RALGAPA1: variants seen among roughly 807,000 people sequenced by gnomAD.
The protein encoded by RALGAPA1 is Ral GTPase activating protein catalytic subunit alpha 1.
In RALGAPA1, 52 loss-of-function variants were observed where a neutral mutation model predicts 269.6. That is an observed-to-expected ratio of 0.19 (90% CI 0.15 to 0.24). The LOEUF (loss-of-function observed/expected upper bound fraction) is 0.24, where lower values mean the gene tolerates loss of function less well. Among genes scored for constraint, RALGAPA1 ranks in the 10% least tolerant of loss-of-function variants. The probability of loss-of-function intolerance (pLI) is 1.00; values close to 1 mark genes in which losing one functional copy is unlikely to be tolerated. For synonymous variants in RALGAPA1, 817 were observed against 1,008.3 expected, an observed-to-expected ratio of 0.81 and a Z score of 3.60; for missense variants, 1,917 against 3,013.9, an observed-to-expected ratio of 0.64 and a Z score of 8.52.
rs151259133 is a variant in RALGAPA1 at position 35,801,764 on chromosome 14, C to A, written c.106+6966G>T. Among the ~76,000 whole-genome samples the A allele has an allele frequency of 7.6e-4, 116 of 152,172 alleles. 1 individual carries two copies. The East Asian group carries it at 0.018, about 23-fold the overall frequency. On this transcript the variant is annotated intron_variant, in intron 1 of 41. Coordinates refer to ENST00000680220, the MANE Select transcript of RALGAPA1 (RefSeq NM_001346249.2). Reference sequence around the variant, plus strand: ...GAAACTCTCTAAATCTGATAAAGGGCATCTACAAAAAACCTACAGTTAGGA... The same window carrying A: ...GAAACTCTCTAAATCTGATAAAGGGAATCTACAAAAAACCTACAGTTAGGA...
chr14:35,712,818 C>T (rs139065455), intron 16 of RALGAPA1, among the ~76,000 whole-genome samples: 136 of 152,232 alleles, frequency 8.9e-4, no homozygotes, highest in Non-Finnish European at 1.5e-3. Flanking sequence ...AGATTACAGG[C>T]GTGAGTTAAT....
At chr14:35,676,686 A>G (rs2064982142) in intron 22 of RALGAPA1, 1 of 152,248 alleles carries the variant, frequency 6.6e-6, no homozygotes, top group South Asian at 2.1e-4. Context: ...ATTAGGACAT[A>G]TCCACTGACA....
chr14:35,672,817 G>A, intron 25 of RALGAPA1, 50 bp downstream of exon 25: 1 of 1,407,336 alleles, frequency 7.1e-7, no homozygotes, highest in Non-Finnish European at 9.4e-7. Flanking sequence ...AAGAATCAAA[G>A]ATAATATGAT....
intron 31 of RALGAPA1, among the ~76,000 whole-genome samples, chr14:35,638,606 G>A (rs1188411488): frequency 1.3e-5 from 2 of 152,096 alleles, no homozygotes; most frequent in African/African-American, 4.8e-5. Context: ...TAATAAAGTG[G>A]AAGGAGTAAG....
chr14:35,755,075 T>C (rs1171192639), intron 7 of RALGAPA1, among the ~76,000 whole-genome samples: 1 of 152,090 alleles, frequency 6.6e-6, no homozygotes, highest in Non-Finnish European at 1.5e-5. Flanking sequence ...CCAAGGGGCA[T>C]GGTGGCTCAC....
chr14:35,621,143 G>A (rs1490336813), intron 35 of RALGAPA1, among the ~76,000 whole-genome samples: 2 of 152,142 alleles, frequency 1.3e-5, no homozygotes, highest in Non-Finnish European at 2.9e-5. Flanking sequence ...AAAACAGCAT[G>A]GTACTGGTAC....
At chr14:35,725,200 C>T (rs1222394672) in intron 13 of RALGAPA1, 47 bp from the exon 14 acceptor site, 4 of 1,432,888 alleles carry the variant, frequency 2.8e-6, no homozygotes, top group South Asian at 1.6e-5. Context: ...CATATGTTTG[C>T]ATTTGGTTAA....
chr14:35,610,851 A>C (rs948707462), intron 35 of RALGAPA1, among the ~76,000 whole-genome samples: 2 of 152,190 alleles, frequency 1.3e-5, no homozygotes, highest in Non-Finnish European at 2.9e-5. Flanking sequence ...ACAAGCCAAA[A>C]ACAAAAAACA....
At chr14:35,555,052 CTT>C (rs1310680300) in intron 39 of RALGAPA1, among the ~76,000 whole-genome samples, 1 of 152,094 alleles carries the variant, frequency 6.6e-6, no homozygotes, top group Non-Finnish European at 1.5e-5. Context: ...TGGATTTAGA[CTT>C]TGAATCTTTC....
chr14:35,805,683 C>CT (rs760045509), intron 1 of RALGAPA1, among the ~76,000 whole-genome samples: 428 of 135,442 alleles, frequency 3.2e-3, no homozygotes, highest in Non-Finnish European at 4.2e-3. Context: ...TTTTCTTTTT[C>CT]TTTTTTTTTT....
At chr14:35,625,829 C>G (rs1163709661) in intron 34 of RALGAPA1, among the ~76,000 whole-genome samples, 1 of 152,180 alleles carries the variant, frequency 6.6e-6, no homozygotes, top group Non-Finnish European at 1.5e-5. Flanking sequence ...CAAGTGTAAT[C>G]CAGATGGAAT....
chr14:35,758,903 TAGG>T (rs1320476640), intron 6 of RALGAPA1, among the ~76,000 whole-genome samples: 1 of 152,124 alleles, frequency 6.6e-6, no homozygotes, highest in Non-Finnish European at 1.5e-5. Context: ...TGCTTGACTT[TAGG>T]AGTTTAAGAC....
At position 35,760,874 on chromosome 14, in the gene RALGAPA1, G is replaced by T. The variant is rs1341592545; in HGVS notation, c.502C>A (p.Arg168=). ...FSAPQSEHGP[R]TLDNLINPPL... is the part of the protein sequence containing the mutation. ...GGATTAATGAGATTATCTAAAGTTC[G>T]AGGTCCATGTTCAGACTGTGGTGCT... Residue 168 remains arginine (R), a synonymous_variant, in exon 6 of 42, where the codon CGA becomes AGA. Coordinates refer to ENST00000680220, the MANE Select transcript of RALGAPA1 (RefSeq NM_001346249.2). The T allele has an allele frequency of 6.2e-7, 1 of 1,612,020 alleles. No homozygotes were observed. The highest frequency in any genetic ancestry group is 8.5e-7 in the Non-Finnish European group (1 of 1,179,090).
chr14:35,794,901 A>G (rs1271660419), intron 1 of RALGAPA1, among the ~76,000 whole-genome samples: 2 of 152,256 alleles, frequency 1.3e-5, no homozygotes, highest in Non-Finnish European at 2.9e-5. Context: ...CATTCAGATT[A>G]CAGAAAGACA....
intron 39 of RALGAPA1, 106 bp downstream of exon 39, chr14:35,570,511 T>TA (rs1049151940): frequency 1.5e-5 from 14 of 937,798 alleles, no homozygotes; most frequent in Admixed American, 1.0e-4. Context: ...AAATAATAAT[T>TA]AAAAAAACCC....
intron 16 of RALGAPA1, among the ~76,000 whole-genome samples, chr14:35,710,012 T>C (rs1322438953): frequency 6.6e-6 from 1 of 152,236 alleles, no homozygotes; most frequent in African/African-American, 2.4e-5. Context: ...CTCTGCTGGA[T>C]TAAGCAATTT....
intron 3 of RALGAPA1, among the ~76,000 whole-genome samples, chr14:35,771,829 T>A (rs12589148): frequency 2.0e-5 from 3 of 152,000 alleles, no homozygotes; most frequent in Non-Finnish European, 4.4e-5. Flanking sequence ...CACCACTATG[T>A]CTAGCAATTC....
At position 35,689,159 on chromosome 14, in the gene RALGAPA1, C is replaced by T; in HGVS notation, c.3252G>A (p.Lys1084=). 8.1e-7 allele frequency: 1 copy of T among 1,234,234 alleles called. No individual in the cohort carries two copies. Among genetic ancestry groups the T allele is most frequent in the Non-Finnish European group, 1.0e-6 (1 of 989,364 alleles). The allele number at this position is 1,234,234 out of a possible 1,614,324, so 76.5% of individuals were successfully genotyped here. Residue 1084 remains lysine (K), a synonymous_variant, in exon 18 of 42, where the codon AAG becomes AAA. Transcript: ENST00000680220. ...CVDVTLVEKL[K]SVQINEKITV... ...TGATTTTTTCATTAATTTGCACACT[C>T]TTAAGCTTTTCAACTAGTGTTACAT...
At chr14:35,780,785 T>C (rs1595532536) in intron 1 of RALGAPA1, among the ~76,000 whole-genome samples, 1 of 152,168 alleles carries the variant, frequency 6.6e-6, no homozygotes, top group Admixed American at 6.5e-5. Context: ...AACCATAATG[T>C]TCCACCTTAG....
Sources: allele counts gnomAD v4.1 joint callset (sites outside exome capture counted in the v4.1 genomes callset), GRCh38; gene constraint gnomAD v4.1.1; transcripts MANE v1.5; gene names NCBI Gene and HGNC (gene_info 2026-07-23, HGNC 2026-07-21).